TENM2: variants seen among roughly 807,000 people sequenced by gnomAD.
The protein encoded by TENM2 is teneurin transmembrane protein 2.
A neutral mutation model predicts 245.2 loss-of-function variants in TENM2; 52 were observed. The ratio of observed to expected loss-of-function variants is 0.21; its 90% confidence interval spans 0.17 to 0.27. TENM2 has a LOEUF of 0.27. Among genes scored for constraint, TENM2 ranks in the 10% least tolerant of loss-of-function variants. The probability of loss-of-function intolerance (pLI) is 1.00; values close to 1 mark genes in which losing one functional copy is unlikely to be tolerated. For synonymous variants in TENM2, 1,363 were observed against 1,438.9 expected (o/e 0.95, Z 1.19); for missense variants, 3,046 against 3,666.8 (o/e 0.83, Z 4.37).
intron 2 of TENM2, among the ~76,000 whole-genome samples, chr5:167,535,643 C>T (rs997969395): frequency 6.6e-6 from 1 of 152,232 alleles, no homozygotes; most frequent in African/African-American, 2.4e-5. Context: ...GGCCCTTCCA[C>T]ATTCTGCCAT....
chr5:168,256,950 A>G (rs1465887642), intron 27 of TENM2, among the ~76,000 whole-genome samples: 2 of 152,100 alleles, frequency 1.3e-5, no homozygotes, highest in Non-Finnish European at 2.9e-5. Flanking sequence ...GTGTGTTCTT[A>G]GGCACAGACA....
At chr5:167,757,305 TTGTTC>T (rs1762373343) in intron 2 of TENM2, among the ~76,000 whole-genome samples, 1 of 148,204 alleles carries the variant, frequency 6.7e-6, no homozygotes, top group African/African-American at 2.5e-5. Flanking sequence ...TATGTTCTCA[TTGTTC>T]AACTCCCACT....
At chr5:167,562,716 G>T (rs1773671305) in intron 2 of TENM2, among the ~76,000 whole-genome samples, 1 of 152,112 alleles carries the variant, frequency 6.6e-6, no homozygotes, top group African/African-American at 2.4e-5. Flanking sequence ...CAGCATTTTG[G>T]GAGGCTGAGG....
At chr5:167,069,215 A>T in the TENM2 span, among the ~76,000 whole-genome samples, 1 of 152,202 alleles carries the variant, frequency 6.6e-6, no homozygotes, top group Non-Finnish European at 1.5e-5. Flanking sequence ...TTGAATGAAG[A>T]TAACAACATC....
intron 9 of TENM2, among the ~76,000 whole-genome samples, chr5:168,105,068 A>G (rs964155198): frequency 3.9e-5 from 6 of 152,220 alleles, no homozygotes; most frequent in Non-Finnish European, 7.3e-5. Flanking sequence ...TGCCATAGAC[A>G]TTCCAAAGGA....
intron 2 of TENM2, among the ~76,000 whole-genome samples, chr5:167,725,196 A>C (rs1263317202): frequency 6.6e-6 from 1 of 152,144 alleles, no homozygotes; most frequent in African/African-American, 2.4e-5. Flanking sequence ...AATGTGGTCA[A>C]GTGTTTTCCC....
At chr5:168,192,578 TA>T (rs1761054099) in intron 14 of TENM2, among the ~76,000 whole-genome samples, 1 of 152,244 alleles carries the variant, frequency 6.6e-6, no homozygotes, top group Non-Finnish European at 1.5e-5. Context: ...CTTTCTATTT[TA>T]TTTGACTTTA....
chr5:167,366,474 T>C (rs1457157184), intron 1 of TENM2, among the ~76,000 whole-genome samples: 1 of 152,172 alleles, frequency 6.6e-6, no homozygotes, highest in Non-Finnish European at 1.5e-5. Context: ...TTTCCGCTGC[T>C]TTGTGTCATT....
intron 1 of TENM2, among the ~76,000 whole-genome samples, chr5:167,286,940 A>C (rs1032347748): frequency 2.6e-5 from 4 of 152,138 alleles, no homozygotes; most frequent in African/African-American, 9.7e-5. Context: ...GCCATATCAA[A>C]CTCATAGCTT....
chr5:168,082,213 T>G (rs1288472781), intron 7 of TENM2, among the ~76,000 whole-genome samples: 1 of 152,244 alleles, frequency 6.6e-6, no homozygotes, highest in Admixed American at 6.5e-5. Context: ...TTTTTTCCAC[T>G]TGATCGAATC....
intron 1 of TENM2, among the ~76,000 whole-genome samples, chr5:167,369,946 A>G (rs1760305606): frequency 6.6e-6 from 1 of 152,232 alleles, no homozygotes; most frequent in Non-Finnish European, 1.5e-5. Flanking sequence ...AAATAAAGCC[A>G]TGATCACAAT....
At chr5:167,449,114 A>G (rs1218374924) in intron 2 of TENM2, among the ~76,000 whole-genome samples, 1 of 152,192 alleles carries the variant, frequency 6.6e-6, no homozygotes, top group East Asian at 1.9e-4. Context: ...TAAAATTGTA[A>G]TGTGGCCAAT....
chr5:167,133,372 G>C, the TENM2 span, among the ~76,000 whole-genome samples: 5 of 152,178 alleles, frequency 3.3e-5, no homozygotes, highest in Admixed American at 6.5e-5. Flanking sequence ...GCATTGCTCA[G>C]TCTTGCCCCT....
chr5:167,001,543 TAA>T, the TENM2 span, among the ~76,000 whole-genome samples: 7 of 143,698 alleles, frequency 4.9e-5, no homozygotes, highest in African/African-American at 7.6e-5. Flanking sequence ...AAAGTGGAAT[TAA>T]AAAAAAAAAA....
At chr5:167,926,856 G>T (rs1463067454) in intron 3 of TENM2, among the ~76,000 whole-genome samples, 1 of 151,942 alleles carries the variant, frequency 6.6e-6, no homozygotes, top group East Asian at 1.9e-4. Context: ...CATTTTATAA[G>T]ATGCTAGCTT....
chr5:167,425,001 A>G (rs1763728101), intron 2 of TENM2, among the ~76,000 whole-genome samples: 2 of 152,190 alleles, frequency 1.3e-5, no homozygotes, highest in Non-Finnish European at 2.9e-5. Flanking sequence ...ATATTTGCCA[A>G]TGAAATGCAG....
intron 2 of TENM2, among the ~76,000 whole-genome samples, chr5:167,869,995 C>A (rs1382672048): frequency 6.6e-6 from 1 of 152,136 alleles, no homozygotes; most frequent in Non-Finnish European, 1.5e-5. Flanking sequence ...AAAGTAGATA[C>A]TTTAGTCAAG....
At chr5:167,341,077 C>G (rs1045797282) in intron 1 of TENM2, among the ~76,000 whole-genome samples, 16 of 152,124 alleles carry the variant, frequency 1.1e-4, no homozygotes, top group African/African-American at 3.4e-4. Context: ...GAGGCCAACC[C>G]TGAAGATGGT....
chr5:167,556,855 C>T (rs936713292), intron 2 of TENM2, among the ~76,000 whole-genome samples: 4 of 152,130 alleles, frequency 2.6e-5, no homozygotes, highest in Non-Finnish European at 5.9e-5. Context: ...TTTTAGGTGC[C>T]CGTGTTGATC....
Sources: gnomAD v4.1 joint callset for allele counts (sites outside exome capture counted in the v4.1 genomes callset) on GRCh38, gnomAD v4.1.1 for gene constraint, MANE v1.5 for transcripts, NCBI Gene and HGNC (gene_info 2026-07-23, HGNC 2026-07-21) for gene names.